The following NOVA1 variants were observed in gnomAD, a reference collection of about 807,000 sequenced individuals.
NOVA1 encodes NOVA alternative splicing regulator 1, also known as RNA-binding protein Nova-1.
A neutral mutation model predicts 38.0 loss-of-function variants in NOVA1; 7 were observed. The ratio of observed to expected loss-of-function variants is 0.18; its 90% CI spans 0.10 to 0.35. The LOEUF is 0.35. NOVA1 is among the 10% of genes least tolerant of loss of function. The pLI, the probability that NOVA1 is intolerant of heterozygous loss-of-function variation, is 1.00. For missense variants in NOVA1, 460 were observed against 616.0 expected (o/e 0.75, Z 2.68); for synonymous variants, 270 against 232.5 (o/e 1.16, Z -1.47).
At position 26,447,429 on chromosome 14, in the gene NOVA1, G is replaced by A. The variant is rs1404363924; in HGVS notation, c.*530C>T. The A allele has an allele frequency of 1.3e-5, 2 of 155,054 alleles. No homozygotes were observed. The highest frequency in any genetic ancestry group is 4.8e-5 in the African/African-American group (2 of 41,428). The allele number at this position is 155,054 out of a possible 1,614,324, so 9.6% of individuals were successfully genotyped here. On this transcript the variant is annotated 3_prime_UTR_variant, in exon 5 of 5. Coordinates refer to ENST00000539517, the MANE Select transcript of NOVA1 (RefSeq NM_002515.3). ...GTTTTAACCTTTTAAATATTTTACAGTGCTTTTATGCAACTATATTGCTTT... is the reference window on the plus strand; with the variant it reads ...GTTTTAACCTTTTAAATATTTTACAATGCTTTTATGCAACTATATTGCTTT...
intron 2 of NOVA1, among the ~76,000 whole-genome samples, chr14:26,578,381 A>T (rs372757136): frequency 9.9e-5 from 15 of 152,130 alleles, no homozygotes; most frequent in African/African-American, 3.6e-4. Context: ...GGGAGAAAGA[A>T]CAGTGTATTT....
intron 2 of NOVA1, among the ~76,000 whole-genome samples, chr14:26,509,641 C>G (rs1887905548): frequency 6.6e-6 from 1 of 152,082 alleles, no homozygotes; most frequent in Non-Finnish European, 1.5e-5. Flanking sequence ...ATGGAGGAGA[C>G]ATTGTTTTAG....
At chr14:26,472,496 C>G in intron 3 of NOVA1, 105 bp from the exon 4 acceptor site, 1 of 484,058 alleles carries the variant, frequency 2.1e-6, no homozygotes, top group Non-Finnish European at 3.5e-6. Context: ...AGAACAAAAT[C>G]CTATGAACAA....
intron 4 of NOVA1, among the ~76,000 whole-genome samples, chr14:26,461,665 A>G (rs1407499226): frequency 1.3e-5 from 2 of 151,684 alleles, no homozygotes; most frequent in African/African-American, 4.8e-5. Context: ...TTGGTGGCTC[A>G]TGCCTGTAAT....
chr14:26,455,852 T>A (rs1379833981), intron 4 of NOVA1, among the ~76,000 whole-genome samples: 2 of 151,872 alleles, frequency 1.3e-5, no homozygotes, highest in Admixed American at 1.3e-4. Flanking sequence ...ACTATGAAGG[T>A]CATATAATAA....
chr14:26,566,436 G>A (rs1428814649), intron 2 of NOVA1, among the ~76,000 whole-genome samples: 1 of 152,054 alleles, frequency 6.6e-6, no homozygotes, highest in South Asian at 2.1e-4. Flanking sequence ...TGCTTCAGTT[G>A]TCTATCTTTA....
At position 26,522,930 on chromosome 14, in the gene NOVA1, C is replaced by T. The variant is rs151206231; in HGVS notation, c.281-42787G>A. ...CAAATATTTTTGCCACCATTAGCTT[C>T]AACTCATCTCATTAGATTCTACTTC... On this transcript the variant is annotated intron_variant, in intron 2 of 4. Coordinates refer to ENST00000539517, the MANE Select transcript of NOVA1 (RefSeq NM_002515.3). Among the ~76,000 whole-genome samples the T allele has an allele frequency of 8.6e-3, 1,306 of 152,272 alleles. 8 individuals carry two copies. Among genetic ancestry groups the T allele is most frequent in the South Asian group, 0.025 (121 of 4,824 alleles).
At chr14:26,513,700 A>AT (rs1221725589) in intron 2 of NOVA1, among the ~76,000 whole-genome samples, 1 of 151,758 alleles carries the variant, frequency 6.6e-6, no homozygotes, top group African/African-American at 2.4e-5. Flanking sequence ...AAAAAAACAG[A>AT]TAAAAATACT....
At chr14:26,591,148 T>A (rs78396133) in intron 2 of NOVA1, among the ~76,000 whole-genome samples, 6,257 of 151,562 alleles carry the variant, frequency 0.041, 190 homozygotes, top group South Asian at 0.1. Flanking sequence ...AGTAAGAAAA[T>A]AAAGTATTAA....
rs1372001647 is a variant in NOVA1, at chr14:26,589,866, T to C, written c.280+5544A>G. On this transcript the variant is annotated intron_variant, in intron 2 of 4. Transcript: ENST00000539517. Reference sequence around the variant, plus strand: ...GACGTAGGAAAGCTGATGCCATATCTTTAAAGAATAAAATGAAGAATATGG... The same window carrying C: ...GACGTAGGAAAGCTGATGCCATATCCTTAAAGAATAAAATGAAGAATATGG... Among the ~76,000 whole-genome samples the C allele has an allele frequency of 2.6e-5, 4 of 151,862 alleles. No homozygotes were observed. The East Asian group carries it at 7.7e-4, about 29-fold the overall frequency.
intron 4 of NOVA1, among the ~76,000 whole-genome samples, chr14:26,452,536 AGT>A (rs1396970930): frequency 2.0e-5 from 3 of 152,244 alleles, no homozygotes; most frequent in Admixed American, 2.0e-4. Context: ...GTATACTGAT[AGT>A]ATTTAAATTC....
At chr14:26,573,962 A>AG (rs1300898932) in intron 2 of NOVA1, among the ~76,000 whole-genome samples, 2 of 151,926 alleles carry the variant, frequency 1.3e-5, no homozygotes, top group African/African-American at 4.8e-5. Flanking sequence ...CATAAGGCTG[A>AG]GCCACATGAG....
intron 4 of NOVA1, among the ~76,000 whole-genome samples, chr14:26,461,437 T>A (rs536535100): frequency 6.6e-6 from 1 of 152,236 alleles, no homozygotes; most frequent in East Asian, 1.9e-4. Context: ...TTCAGTGGTA[T>A]TTTAAATAGC....
At chr14:26,579,042 C>A (rs1893040099) in intron 2 of NOVA1, among the ~76,000 whole-genome samples, 1 of 140,584 alleles carries the variant, frequency 7.1e-6, no homozygotes. Context: ...TTTTCCATAG[C>A]AGGTGGTATT....
intron 2 of NOVA1, among the ~76,000 whole-genome samples, chr14:26,541,834 T>C (rs769689680): frequency 3.3e-5 from 5 of 151,854 alleles, no homozygotes; most frequent in Non-Finnish European, 5.9e-5. Flanking sequence ...CCATATTTTG[T>C]AGTTTGTTTC....
chr14:26,555,456 T>C (rs1443807998), intron 2 of NOVA1, among the ~76,000 whole-genome samples: 1 of 152,114 alleles, frequency 6.6e-6, no homozygotes, highest in Non-Finnish European at 1.5e-5. Context: ...TCATCCTAAA[T>C]TATGACATGT....
At chr14:26,560,078 T>A (rs1891731375) in intron 2 of NOVA1, among the ~76,000 whole-genome samples, 1 of 152,156 alleles carries the variant, frequency 6.6e-6, no homozygotes, top group Non-Finnish European at 1.5e-5. Context: ...TAAAATATAA[T>A]GTTTAAAGAC....
chr14:26,540,743 G>T (rs1342160415), intron 2 of NOVA1, among the ~76,000 whole-genome samples: 1 of 152,088 alleles, frequency 6.6e-6, no homozygotes, highest in Non-Finnish European at 1.5e-5. Context: ...CTGACTTTCA[G>T]CAATCCATTC....
intron 2 of NOVA1, among the ~76,000 whole-genome samples, chr14:26,493,903 A>C (rs1263902911): frequency 6.6e-6 from 1 of 152,080 alleles, no homozygotes; most frequent in African/African-American, 2.4e-5. Context: ...CTCCTCCCCC[A>C]TCAAAACTCA....
Sources: allele counts gnomAD v4.1 joint callset (sites outside exome capture counted in the v4.1 genomes callset), GRCh38; gene constraint gnomAD v4.1.1; transcripts MANE v1.5; gene names NCBI Gene and HGNC (gene_info 2026-07-23, HGNC 2026-07-21).